PINX1: variants seen among roughly 807,000 people sequenced by gnomAD.
The protein encoded by PINX1 is PIN2/TERF1-interacting telomerase inhibitor 1.
Under a neutral mutation model 25.4 loss-of-function variants are expected in PINX1, and 34 were observed. The ratio of observed to expected loss-of-function variants is 1.34; its 90% CI spans 1.02 to 1.78. PINX1 has a LOEUF of 1.78. Ranked by LOEUF, PINX1 falls within the 40% of genes most tolerant of loss-of-function variation. PINX1 has a pLI of 0.00. For synonymous variants in PINX1, 197 were observed against 147.7 expected, an observed-to-expected ratio of 1.33 and a Z score of -2.42; for missense variants, 592 against 404.9, an observed-to-expected ratio of 1.46 and a Z score of -3.97.
At chr8:10,838,131 T>C (rs1208171405) in intron 1 of PINX1, among the ~76,000 whole-genome samples, 1 of 152,182 alleles carries the variant, frequency 6.6e-6, no homozygotes, top group East Asian at 1.9e-4. Context: ...CAGGTTGGAG[T>C]TCTTAGAACC....
intron 4 of PINX1, among the ~76,000 whole-genome samples, chr8:10,830,895 C>T (rs768873802): frequency 3.9e-5 from 6 of 152,160 alleles, no homozygotes; most frequent in South Asian, 2.1e-4. Context: ...ACGGCAGCTC[C>T]TCAAAAAGTT....
At chr8:10,802,336 T>C (rs1302441921) in intron 6 of PINX1, among the ~76,000 whole-genome samples, 2 of 152,116 alleles carry the variant, frequency 1.3e-5, no homozygotes, top group African/African-American at 2.4e-5. Flanking sequence ...CATACACTGA[T>C]ACACTCATGA....
intron 5 of PINX1, among the ~76,000 whole-genome samples, chr8:10,823,163 G>A (rs930067298): frequency 2.0e-5 from 3 of 152,184 alleles, no homozygotes; most frequent in African/African-American, 4.8e-5. Context: ...CTACCAGTGT[G>A]CAACTGAGGG....
intron 6 of PINX1, among the ~76,000 whole-genome samples, chr8:10,813,699 C>G (rs999492735): frequency 3.3e-5 from 5 of 152,078 alleles, no homozygotes; most frequent in Non-Finnish European, 5.9e-5. Context: ...CTAATTCAAT[C>G]AGGTTAGAGA....
At chr8:10,795,700 C>T (rs1434882850) in intron 6 of PINX1, among the ~76,000 whole-genome samples, 1 of 152,168 alleles carries the variant, frequency 6.6e-6, no homozygotes, top group Admixed American at 6.5e-5. Flanking sequence ...TTTTTATAGT[C>T]ACTGCTTGTA....
intron 6 of PINX1, among the ~76,000 whole-genome samples, chr8:10,776,863 A>G (rs1586138294): frequency 6.6e-6 from 1 of 152,162 alleles, no homozygotes; most frequent in Non-Finnish European, 1.5e-5. Context: ...TGCAACCCAA[A>G]GAAAGGTCCC....
Position 10,765,867 on chromosome 8 carries a change from C to T in PINX1, c.521G>A (p.Ser174Asn). ...TPEENETTTT[S>N]AFTIQEYFAK... Reference sequence around the variant, plus strand: ...AAAGTACTCCTGGATGGTGAAGGCGCTGGTTGTCGTGGTTTCGTTCTCCTC... The same window carrying T: ...AAAGTACTCCTGGATGGTGAAGGCGTTGGTTGTCGTGGTTTCGTTCTCCTC... The change falls in exon 7 of 7, where the codon AGC becomes AAC. Residue 174 changes from serine (S) to asparagine (N), a missense_variant. Physicochemically the swap from Ser to Asn is conservative, Grantham distance 46. Transcript: ENST00000314787. 6.2e-7 allele frequency: 1 copy of T among 1,613,954 alleles called. No homozygotes were observed. Among genetic ancestry groups the T allele is most frequent in the Non-Finnish European group, 8.5e-7 (1 of 1,179,898 alleles).
At chr8:10,789,426 G>A (rs1236994236) in intron 6 of PINX1, among the ~76,000 whole-genome samples, 1 of 152,184 alleles carries the variant, frequency 6.6e-6, no homozygotes, top group African/African-American at 2.4e-5. Context: ...TTACCTTTGG[G>A]AGTGATGAGG....
intron 4 of PINX1, among the ~76,000 whole-genome samples, chr8:10,827,772 G>A (rs1244720854): frequency 2.0e-5 from 3 of 151,448 alleles, no homozygotes; most frequent in Non-Finnish European, 2.9e-5. Flanking sequence ...TTAGCCGGGC[G>A]TGGTGGCGGG....
chr8:10,768,580 A>G (rs1424208044), intron 6 of PINX1, among the ~76,000 whole-genome samples: 5 of 152,214 alleles, frequency 3.3e-5, no homozygotes, highest in African/African-American at 7.2e-5. Context: ...CCCAAGTCCT[A>G]CTTCTTCCCA....
At chr8:10,792,101 G>T (rs1356491132) in intron 6 of PINX1, among the ~76,000 whole-genome samples, 1 of 152,174 alleles carries the variant, frequency 6.6e-6, no homozygotes, top group African/African-American at 2.4e-5. Flanking sequence ...CTGAGTCTCT[G>T]GATAAAGGTC....
intron 6 of PINX1, among the ~76,000 whole-genome samples, chr8:10,768,308 C>T (rs1801122056): frequency 6.6e-6 from 1 of 152,218 alleles, no homozygotes; most frequent in Admixed American, 6.5e-5. Flanking sequence ...TCCTATGACT[C>T]CTTACCTTGC....
chr8:10,807,317 T>TCCCC (rs1184898113), intron 6 of PINX1, among the ~76,000 whole-genome samples: 51 of 39,726 alleles, frequency 1.3e-3, no homozygotes, highest in East Asian at 2.6e-3. Context: ...ATCAAGAAAA[T>TCCCC]CCCCCCCCCA....
intron 4 of PINX1, 23 bp downstream of exon 4, chr8:10,831,642 C>G: frequency 1.4e-6 from 2 of 1,469,868 alleles, no homozygotes; most frequent in Non-Finnish European, 1.9e-6. Context: ...GCATTGAGAA[C>G]TTATGTCATC....
Position 10,765,591 on chromosome 8 carries a change from C to T in PINX1, c.797G>A (p.Trp266Ter), listed in dbSNP as rs1336718375. ...AGCAGAGGCCTTGGAACTCTGGTCCCAGCAGGGGCCTCTGAGCTGCTCTTC... is the reference window on the plus strand; with the variant it reads ...AGCAGAGGCCTTGGAACTCTGGTCCTAGCAGGGGCCTCTGAGCTGCTCTTC... ...PAEEQLRGPC[W>*]DQSSKASAQD... The change falls in exon 7 of 7, where the codon TGG becomes TAG. Residue 266 changes from tryptophan to a stop codon, truncating the protein, a stop_gained. Transcript: ENST00000314787. LOFTEE classifies it low-confidence loss of function (END_TRUNC). 3 of 1,613,618 alleles carry T rather than the reference C, an allele frequency of 1.9e-6. No homozygotes were observed. The highest frequency in any genetic ancestry group is 2.7e-5 in the African/African-American group (2 of 74,944).
At chr8:10,807,751 T>C (rs761378289) in intron 6 of PINX1, among the ~76,000 whole-genome samples, 20 of 152,296 alleles carry the variant, frequency 1.3e-4, no homozygotes, top group Middle Eastern at 6.8e-3. Flanking sequence ...ACAGTATTAA[T>C]AGAGATTTTC....
chr8:10,799,894 C>T (rs1212527368), intron 6 of PINX1, among the ~76,000 whole-genome samples: 1 of 152,184 alleles, frequency 6.6e-6, no homozygotes, highest in Non-Finnish European at 1.5e-5. Flanking sequence ...TGTTCTCAAC[C>T]ACGGTCTGAG....
chr8:10,832,889 C>G lies in PINX1; in HGVS notation c.222+3G>C. On this transcript the variant is annotated splice_donor_region_variant and intron_variant, in intron 3 of 6. Transcript: ENST00000314787. ...CACCCAGGAGGCACACACTGCTGCTCACTTCATTATTGATGGTAGCTCCGA... is the reference window on the plus strand; with the variant it reads ...CACCCAGGAGGCACACACTGCTGCTGACTTCATTATTGATGGTAGCTCCGA... The G allele has an allele frequency of 6.3e-7, 1 of 1,584,976 alleles. No homozygotes were observed. The highest frequency in any genetic ancestry group is 8.7e-7 in the Non-Finnish European group (1 of 1,154,598).
rs28564346 is a variant in PINX1, at chr8:10,809,129, C to T, written c.471+11064G>A. Among the ~76,000 whole-genome samples the T allele has an allele frequency of 5.6e-3, 859 of 152,222 alleles. 8 individuals are homozygous for T. Among genetic ancestry groups the T allele is most frequent in the African/African-American group, 0.019 (807 of 41,530 alleles). On this transcript the variant is annotated intron_variant, in intron 6 of 6. Transcript: ENST00000314787. ...TCAGCTAATGTTTGGTCTCTAATGG[C>T]GACACATTAAAGCCAACTCGGCTAT...
Sources: allele counts gnomAD v4.1 joint callset (sites outside exome capture counted in the v4.1 genomes callset), GRCh38; gene constraint gnomAD v4.1.1; transcripts MANE v1.5; gene names NCBI Gene and HGNC (gene_info 2026-07-23, HGNC 2026-07-21).